BLK: variants seen among roughly 807,000 people sequenced by gnomAD.
BLK encodes the protein BLK proto-oncogene, Src family tyrosine kinase.
BLK carries 64 observed loss-of-function variants against 61.8 expected under a neutral mutation model. The observed-to-expected ratio is 1.03, with a 90% confidence interval of 0.85 to 1.27. BLK has a LOEUF of 1.27. Among genes scored for constraint, BLK ranks in the 50% most tolerant of loss-of-function variants. The pLI, the probability that BLK is intolerant of heterozygous loss-of-function variation, is 0.00. For missense variants in BLK, 853 were observed against 660.5 expected, an observed-to-expected ratio of 1.29 and a Z score of -3.19; for synonymous variants, 351 against 272.0, an observed-to-expected ratio of 1.29 and a Z score of -2.86.
At chr8:11,514,654 G>T (rs1799153659) in intron 1 of BLK, among the ~76,000 whole-genome samples, 1 of 152,160 alleles carries the variant, frequency 6.6e-6, no homozygotes, top group Non-Finnish European at 1.5e-5. Context: ...CCCACCTCTG[G>T]GCTCGAGTAG....
chr8:11,500,539 A>T (rs1798517315), intron 1 of BLK, among the ~76,000 whole-genome samples: 1 of 151,488 alleles, frequency 6.6e-6, no homozygotes, highest in African/African-American at 2.4e-5. Context: ...TGTTTGAGAT[A>T]GGGTCTCGCT....
At chr8:11,549,501 G>GGC (rs1193804415) in intron 5 of BLK, among the ~76,000 whole-genome samples, 1 of 152,186 alleles carries the variant, frequency 6.6e-6, no homozygotes, top group Non-Finnish European at 1.5e-5. Flanking sequence ...CCAGGAGGGT[G>GGC]GCGTTGTTCA....
intron 1 of BLK, among the ~76,000 whole-genome samples, 161 bp downstream of exon 1, chr8:11,494,752 G>T (rs13272061): frequency 0.37 from 56,424 of 152,182 alleles, 13,048 homozygotes; most frequent in Non-Finnish European, 0.54. Context: ...TGAATAGATT[G>T]CTCCATGGTT....
intron 1 of BLK, among the ~76,000 whole-genome samples, chr8:11,537,275 T>G (rs1800172351): frequency 6.6e-6 from 1 of 152,144 alleles, no homozygotes; most frequent in Non-Finnish European, 1.5e-5. Context: ...TGGGAGAATT[T>G]GGAATTCTGG....
At chr8:11,521,406 T>C (rs1411411387) in intron 1 of BLK, among the ~76,000 whole-genome samples, 1 of 152,216 alleles carries the variant, frequency 6.6e-6, no homozygotes, top group East Asian at 1.9e-4. Context: ...TCCTCCCATC[T>C]AAGCCTCCCG....
intron 10 of BLK, chr8:11,558,710 C>A (rs1412462469): frequency 2.2e-6 from 1 of 456,188 alleles, no homozygotes; most frequent in South Asian, 1.5e-5. Flanking sequence ...AGGGTTTTAG[C>A]CGAGAGCTCT....
Position 11,560,274 on chromosome 8 carries a change from G to GATGGATGGATCC in BLK, c.1030-1017_1030-1006dup, listed in dbSNP as rs1554457522. On this transcript the variant is annotated intron_variant, in intron 10 of 12. Transcript: ENST00000259089. The stretch of plus-strand genomic sequence containing the variant: ...GGATGGGTGGGTGGGTGGGTGGATG[G>GATGGATGGATCC]ATGGATGGATCCATGGATGGATGGA... 1,001 of 199,670 alleles carry GATGGATGGATCC rather than the reference G, an allele frequency of 5.0e-3. 12 individuals are homozygous for GATGGATGGATCC. The highest frequency in any genetic ancestry group is 0.023 in the African/African-American group (933 of 40,236). The allele number at this position is 199,670 out of a possible 1,614,324, so 12.4% of individuals were successfully genotyped here.
At chr8:11,504,768 G>T (rs12155745) in intron 1 of BLK, among the ~76,000 whole-genome samples, 64,553 of 151,968 alleles carry the variant, frequency 0.42, 14,737 homozygotes, top group Non-Finnish European at 0.51. Flanking sequence ...TAAGGGTGCT[G>T]GCATATTTAG....
chr8:11,544,583 C>T (rs1800537070), intron 2 of BLK, among the ~76,000 whole-genome samples: 1 of 151,984 alleles, frequency 6.6e-6, no homozygotes, highest in South Asian at 2.1e-4. Flanking sequence ...GAGTAATTTC[C>T]CCAAAATTAT....
rs2117216198 is a variant in BLK at position 11,494,512 on chromosome 8, T to G, written c.-81T>G. 6.6e-6 allele frequency: 1 copy of G among 152,376 alleles called. No individual in the cohort carries two copies. The highest frequency in any genetic ancestry group is 6.5e-5 in the Admixed American group (1 of 15,306). The allele number at this position is 152,376 out of a possible 1,614,324, so 9.4% of individuals were successfully genotyped here. ...TTAGGATGGTGTTGGAAGTTGCTCG[T>G]TGTCGCTAGGAGCCTGCTCCACTGT... On this transcript the variant is annotated 5_prime_UTR_variant, in exon 1 of 13. Coordinates refer to ENST00000259089, the MANE Select transcript of BLK (RefSeq NM_001715.3).
Position 11,557,956 on chromosome 8 carries a change from T to A in BLK, c.953-6T>A. 1.2e-6 allele frequency: 2 copies of A among 1,613,838 alleles called. 1 individual carries two copies. Among genetic ancestry groups the A allele is most frequent in the Middle Eastern group, 3.3e-4 (2 of 6,060 alleles). On this transcript the variant is annotated splice_polypyrimidine_tract_variant and splice_region_variant and intron_variant, in intron 9 of 12. Coordinates refer to ENST00000259089, the MANE Select transcript of BLK (RefSeq NM_001715.3). ...AGAAGGGCACTTGCAACTTCTCTTTTCTTAGGATGCCTGCTGGATTTCCTG... is the reference window on the plus strand; with the variant it reads ...AGAAGGGCACTTGCAACTTCTCTTTACTTAGGATGCCTGCTGGATTTCCTG...
rs1554448025 is a variant in BLK, at chr8:11,535,324, G to GAA, written c.-1-7899_-1-7898insAA. 3.7e-3 allele frequency among the ~76,000 whole-genome samples: 415 copies of GAA among 113,338 alleles called. 3 individuals carry two copies. Among genetic ancestry groups the GAA allele is most frequent in the South Asian group, 7.7e-3 (22 of 2,868 alleles). 74.4% of individuals were successfully genotyped at this position (113,338 alleles called of 152,430 possible). ...AGAAAGAAAGAAAGAAAGAAAGAAA[G>GAA]AGAAGGAAAAGGGAAGGGAAGGAAG... On this transcript the variant is annotated intron_variant, in intron 1 of 12. Transcript: ENST00000259089.
At chr8:11,522,290 G>C (rs1799483685) in intron 1 of BLK, among the ~76,000 whole-genome samples, 2 of 152,018 alleles carry the variant, frequency 1.3e-5, no homozygotes, top group South Asian at 4.1e-4. Context: ...ATATAATCAA[G>C]GGAAACAAAT....
chr8:11,559,112 C>A (rs184841165), intron 10 of BLK: 70 of 410,932 alleles, frequency 1.7e-4, no homozygotes, highest in Middle Eastern at 3.5e-4. Flanking sequence ...TCAATCCCCA[C>A]TACACCCCCT....
chr8:11,546,908 C>T (rs1340755522), intron 3 of BLK, among the ~76,000 whole-genome samples: 1 of 152,234 alleles, frequency 6.6e-6, no homozygotes, highest in Non-Finnish European at 1.5e-5. Flanking sequence ...GTGGGCTGGC[C>T]TGCTGGGTAC....
intron 1 of BLK, among the ~76,000 whole-genome samples, chr8:11,497,543 A>G (rs1049009333): frequency 6.6e-6 from 1 of 152,180 alleles, no homozygotes; most frequent in Admixed American, 6.5e-5. Flanking sequence ...TCCTGAGGAC[A>G]AGGACATGCC....
chr8:11,518,832 G>A (rs566115292), intron 1 of BLK, among the ~76,000 whole-genome samples: 1 of 152,284 alleles, frequency 6.6e-6, no homozygotes, highest in African/African-American at 2.4e-5. Context: ...TTTCTGCTCT[G>A]GGAATCTGCC....
At chr8:11,508,259 G>A (rs1010618584) in intron 1 of BLK, among the ~76,000 whole-genome samples, 8 of 152,264 alleles carry the variant, frequency 5.3e-5, no homozygotes, top group Non-Finnish European at 1.0e-4. Context: ...CACATGCTGG[G>A]AAATCACCCG....
At chr8:11,535,090 A>C (rs1423810179) in intron 1 of BLK, among the ~76,000 whole-genome samples, 1 of 151,962 alleles carries the variant, frequency 6.6e-6, no homozygotes, top group South Asian at 2.1e-4. Context: ...AGGTGGGAGG[A>C]TCACTTGAGC....
Sources: gnomAD v4.1 joint callset for allele counts (sites outside exome capture counted in the v4.1 genomes callset) on GRCh38, gnomAD v4.1.1 for gene constraint, MANE v1.5 for transcripts, NCBI Gene and HGNC (gene_info 2026-07-23, HGNC 2026-07-21) for gene names.